CEP295: variants seen among roughly 807,000 people sequenced by gnomAD.
CEP295 encodes the protein centrosomal protein 295, also known as centrosomal protein of 295 kDa.
Under a neutral mutation model 291.6 loss-of-function variants are expected in CEP295, and 190 were observed. The observed-to-expected ratio is 0.65, with a 90% CI of 0.58 to 0.73. The LOEUF is 0.73. CEP295 is among the 30% of genes least tolerant of loss of function. CEP295 has a pLI of 0.00. For synonymous variants in CEP295, 993 were observed against 1,038.8 expected, an observed-to-expected ratio of 0.96 and a Z score of 0.85; for missense variants, 2,863 against 2,949.4, an observed-to-expected ratio of 0.97 and a Z score of 0.68.
chr11:93,689,371 C>T (rs573196488), intron 10 of CEP295, among the ~76,000 whole-genome samples: 3 of 152,188 alleles, frequency 2.0e-5, no homozygotes, highest in Non-Finnish European at 4.4e-5. Flanking sequence ...CATTTGCCTG[C>T]CACACCTCCC....
intron 24 of CEP295, 82 bp from the exon 25 acceptor site, chr11:93,728,599 A>C: frequency 7.9e-7 from 1 of 1,262,528 alleles, no homozygotes; most frequent in Non-Finnish European, 1.0e-6. Flanking sequence ...ACTTGCAAAA[A>C]ATGTGCATTA....
intron 15 of CEP295, among the ~76,000 whole-genome samples, chr11:93,700,751 G>C (rs1565189984): frequency 6.6e-6 from 1 of 152,078 alleles, no homozygotes; most frequent in Non-Finnish European, 1.5e-5. Flanking sequence ...TTATTTTAGA[G>C]TTTTGTTTTA....
chr11:93,692,554 T>C (rs1951620120), intron 12 of CEP295, among the ~76,000 whole-genome samples: 1 of 152,084 alleles, frequency 6.6e-6, no homozygotes, highest in East Asian at 1.9e-4. Context: ...CTTGACCTCC[T>C]CAGTTCAATC....
chr11:93,682,750 A>G (rs1376652203), intron 7 of CEP295, among the ~76,000 whole-genome samples: 1 of 151,934 alleles, frequency 6.6e-6, no homozygotes, highest in African/African-American at 2.4e-5. Context: ...CTCCAGTTTT[A>G]TCTTCCTTCC....
intron 21 of CEP295, 26 bp from the exon 22 acceptor site, chr11:93,724,228 T>C: frequency 6.5e-7 from 1 of 1,529,480 alleles, no homozygotes; most frequent in Non-Finnish European, 8.8e-7. Flanking sequence ...CCTCAAAAAT[T>C]CTAACAGTTG....
intron 15 of CEP295, among the ~76,000 whole-genome samples, chr11:93,701,366 A>T (rs892896911): frequency 1.1e-4 from 17 of 152,326 alleles, no homozygotes; most frequent in Non-Finnish European, 1.9e-4. Context: ...CTATCTCAAA[A>T]AAATAAATAA....
intron 18 of CEP295, among the ~76,000 whole-genome samples, chr11:93,716,253 G>A (rs924546381): frequency 6.6e-6 from 1 of 152,172 alleles, no homozygotes; most frequent in Non-Finnish European, 1.5e-5. Flanking sequence ...TCTACTTGGT[G>A]CTGGCCACAC....
Position 93,721,343 on chromosome 11 carries a change from T to C in CEP295, c.5781T>C (p.His1927=). The change falls in exon 19 of 30, where the codon CAT becomes CAC. Residue 1927 remains histidine, a synonymous_variant. Transcript: ENST00000325212. ...TGAAGGAATCTGTTGTTGAAAATCA[T>C]GCAGTGTTAAGTTATGCTGTGGAGG... is the stretch of plus-strand genomic sequence containing the variant. ...VKLKESVVEN[H]AVLSYAVEEE... is the part of the protein sequence containing the mutation. 1 of 1,556,282 alleles carries C rather than the reference T, an allele frequency of 6.4e-7. No individual in the cohort carries two copies. Among genetic ancestry groups the C allele is most frequent in the Non-Finnish European group, 8.7e-7 (1 of 1,148,446 alleles).
chr11:93,726,841 T>G, intron 23 of CEP295, 135 bp from the exon 24 acceptor site: 1 of 641,906 alleles, frequency 1.6e-6, no homozygotes, highest in Non-Finnish European at 2.7e-6. Context: ...TTTGTATTCA[T>G]GTTTATACAC....
At chr11:93,705,948 C>G (rs1390218016) in intron 17 of CEP295, among the ~76,000 whole-genome samples, 2 of 152,158 alleles carry the variant, frequency 1.3e-5, no homozygotes, top group Non-Finnish European at 2.9e-5. Context: ...ATTATTGAGC[C>G]AGACCTAGGA....
In CEP295 at chr11:93,702,572, A is replaced by G. The variant is rs200717974; in HGVS notation, c.5387A>G (p.His1796Arg). ...LAGNDQENIRHADRNNSDDNH... is the reference protein window; with the variant it reads ...LAGNDQENIRRADRNNSDDNH... ...GGAAATGATCAAGAAAATATTAGGC[A>G]TGCAGATAGGAACAACTCTGATGAT... Residue 1796 changes from histidine to arginine, a missense_variant, in exon 16 of 30, where the codon CAT becomes CGT. Transcript: ENST00000325212. The G allele has an allele frequency of 6.4e-7, 1 of 1,551,428 alleles. No individual in the cohort carries two copies. The highest frequency in any genetic ancestry group is 1.2e-5 in the South Asian group (1 of 83,968).
At chr11:93,695,946 G>A (rs565360030) in intron 13 of CEP295, among the ~76,000 whole-genome samples, 65 of 152,230 alleles carry the variant, frequency 4.3e-4, no homozygotes, top group African/African-American at 1.5e-3. Flanking sequence ...GGGAGGTGGA[G>A]GTTGCAGAGT....
intron 8 of CEP295, 84 bp from the exon 9 acceptor site, chr11:93,683,880 A>G: frequency 6.8e-7 from 1 of 1,460,684 alleles, no homozygotes; most frequent in Non-Finnish European, 9.2e-7. Flanking sequence ...AGATTGAGAC[A>G]TTACCGTGGC....
At chr11:93,665,864 G>C (rs531335250) in intron 1 of CEP295, among the ~76,000 whole-genome samples, 1 of 152,312 alleles carries the variant, frequency 6.6e-6, no homozygotes, top group Non-Finnish European at 1.5e-5. Context: ...ATGACACTTG[G>C]TGATCAAGTT....
intron 7 of CEP295, 81 bp from the exon 8 acceptor site, chr11:93,683,478 A>G: frequency 9.6e-7 from 1 of 1,045,934 alleles, no homozygotes; most frequent in Non-Finnish European, 1.3e-6. Context: ...CCTGATCCTC[A>G]TTTCCCCTAC....
chr11:93,722,175 CAAGTA>C, intron 20 of CEP295, 125 bp downstream of exon 20: 2 of 659,884 alleles, frequency 3.0e-6, no homozygotes, highest in Middle Eastern at 4.1e-4. Context: ...CTAAATCTCA[CAAGTA>C]AAGTATGGCC....
intron 10 of CEP295, among the ~76,000 whole-genome samples, chr11:93,688,272 G>GT: frequency 6.6e-6 from 1 of 152,264 alleles, no homozygotes; most frequent in Non-Finnish European, 1.5e-5. Flanking sequence ...GCTTTTGAGC[G>GT]TGTTGTATTC....
At chr11:93,678,054 A>G (rs1252608871) in intron 6 of CEP295, among the ~76,000 whole-genome samples, 1 of 152,070 alleles carries the variant, frequency 6.6e-6, no homozygotes, top group Non-Finnish European at 1.5e-5. Context: ...TATCCTTTAT[A>G]TGCTTTTTTA....
Position 93,695,571 on chromosome 11 carries a change from A to C in CEP295, c.1608A>C (p.Leu536Phe). 1 of 1,493,606 alleles carries C rather than the reference A, an allele frequency of 6.7e-7. No homozygotes were observed. The highest frequency in any genetic ancestry group is 8.9e-7 in the Non-Finnish European group (1 of 1,129,616). 92.5% of individuals were successfully genotyped at this position (1,493,606 alleles called of 1,614,324 possible). ...AAATTGAACAGCAGAAATTAAGATT[A>C]GAAACTGACTGCTTCAGGGCTCAGC... Reference protein sequence around the residue: ...LEQIEQQKLRLETDCFRAQLE... With the variant: ...LEQIEQQKLRFETDCFRAQLE... Residue 536 changes from leucine to phenylalanine, a missense_variant, in exon 13 of 30, where the codon TTA (leucine) becomes TTC (phenylalanine). Physicochemically the swap from Leu to Phe is conservative, Grantham distance 22 (BLOSUM62 0). Coordinates refer to ENST00000325212, the MANE Select transcript of CEP295 (RefSeq NM_033395.2).
Sources: gnomAD v4.1 joint callset for allele counts (sites outside exome capture counted in the v4.1 genomes callset) on GRCh38, gnomAD v4.1.1 for gene constraint, MANE v1.5 for transcripts, NCBI Gene and HGNC (gene_info 2026-07-23, HGNC 2026-07-21) for gene names.